The following RCHY1 variants were observed in gnomAD, a reference collection of about 807,000 sequenced individuals.
RCHY1 encodes the protein RING finger and CHY zinc finger domain-containing protein 1.
In RCHY1, 21 loss-of-function variants were observed where a neutral mutation model predicts 41.6. The observed-to-expected ratio is 0.51, with a 90% CI of 0.36 to 0.73. The LOEUF (loss-of-function observed/expected upper bound fraction) is 0.73. Among genes scored for constraint, RCHY1 ranks in the 30% least tolerant of loss-of-function variants. The pLI is 0.00. For missense variants in RCHY1, 265 were observed against 325.3 expected (o/e 0.81, Z 1.43); for synonymous variants, 79 against 102.9 (o/e 0.77, Z 1.41).
At chr4:75,497,704 G>A (rs1296697775) in intron 3 of RCHY1, among the ~76,000 whole-genome samples, 3 of 152,008 alleles carry the variant, frequency 2.0e-5, no homozygotes, top group African/African-American at 7.2e-5. Flanking sequence ...AGCAGGGGAA[G>A]GAGGAGGACC....
intron 3 of RCHY1, among the ~76,000 whole-genome samples, chr4:75,500,292 C>G (rs1452437826): frequency 6.6e-6 from 1 of 152,182 alleles, no homozygotes; most frequent in Non-Finnish European, 1.5e-5. Flanking sequence ...ACCACTTCTG[C>G]TATGCGACTC....
At chr4:75,506,774 A>C (rs1404416523) in intron 3 of RCHY1, among the ~76,000 whole-genome samples, 1 of 152,142 alleles carries the variant, frequency 6.6e-6, no homozygotes, top group Non-Finnish European at 1.5e-5. Context: ...AGAAGACATC[A>C]AGCCACAGAT....
At chr4:75,496,584 G>A (rs994683529) in intron 3 of RCHY1, among the ~76,000 whole-genome samples, 2 of 152,078 alleles carry the variant, frequency 1.3e-5, no homozygotes, top group African/African-American at 4.8e-5. Flanking sequence ...CAAACAGACT[G>A]GGGAAACTCA....
At chr4:75,489,019 G>A (rs536150126) in intron 8 of RCHY1, among the ~76,000 whole-genome samples, 30 of 151,998 alleles carry the variant, frequency 2.0e-4, no homozygotes, top group African/African-American at 6.8e-4. Flanking sequence ...AGGTTGCAGT[G>A]AGCCGAGATT....
At chr4:75,492,676 TA>T (rs1722854659) in intron 4 of RCHY1, among the ~76,000 whole-genome samples, 1 of 151,316 alleles carries the variant, frequency 6.6e-6, no homozygotes, top group African/African-American at 2.4e-5. Context: ...ATATAGACAA[TA>T]AAAGATAACT....
rs1553917563 is a variant in RCHY1, at chr4:75,487,592, A to ATATATTCATAAT, written c.657+2988_657+2989insATTATGAATATA. Among the ~76,000 whole-genome samples the ATATATTCATAAT allele has an allele frequency of 3.6e-3, 199 of 55,480 alleles. 2 individuals are homozygous for ATATATTCATAAT. Among genetic ancestry groups the ATATATTCATAAT allele is most frequent in the African/African-American group, 8.1e-3 (95 of 11,698 alleles). 36.4% of individuals were successfully genotyped at this position (55,480 alleles called of 152,430 possible). On this transcript the variant is annotated intron_variant, in intron 8 of 8. Coordinates refer to ENST00000324439, the MANE Select transcript of RCHY1 (RefSeq NM_015436.4). ...TATATATATTCATATATATATTCATAATATATATTCATATATATTCATAAT... is the reference window on the plus strand; with the variant it reads ...TATATATATTCATATATATATTCATATATATTCATAATATATATATTCATATATATTCATAAT...
At chr4:75,501,405 C>T (rs1035292106) in intron 3 of RCHY1, among the ~76,000 whole-genome samples, 4 of 152,156 alleles carry the variant, frequency 2.6e-5, no homozygotes, top group Non-Finnish European at 4.4e-5. Context: ...ATAGATTTTG[C>T]TTCCAATATC....
chr4:75,495,437 G>C (rs1351188566), intron 3 of RCHY1, among the ~76,000 whole-genome samples: 3 of 151,870 alleles, frequency 2.0e-5, no homozygotes, highest in Non-Finnish European at 4.4e-5. Flanking sequence ...ATTTAGCTAG[G>C]CACTGAGCTA....
chr4:75,496,644 T>G (rs1723236318), intron 3 of RCHY1, among the ~76,000 whole-genome samples: 1 of 152,010 alleles, frequency 6.6e-6, no homozygotes, highest in South Asian at 2.1e-4. Context: ...GCCTCAACAG[T>G]GGAGAATAGC....
chr4:75,497,855 AT>A (rs1217931144), intron 3 of RCHY1, among the ~76,000 whole-genome samples: 1 of 152,032 alleles, frequency 6.6e-6, no homozygotes, highest in African/African-American at 2.4e-5. Context: ...TCATAATCTA[AT>A]TATCAAAACC....
Position 75,479,120 on chromosome 4 carries a change from TAA to T in RCHY1, c.*3416_*3417del, listed in dbSNP as rs775921619. On this transcript the variant is annotated 3_prime_UTR_variant, in exon 9 of 9. Transcript: ENST00000324439. Reference sequence around the variant, plus strand: ...AATGCATTGTACATTTCAAAAATATTAAGAGTAGATTTTAAGTGGTTTTTTTA... The same window carrying T: ...AATGCATTGTACATTTCAAAAATATTGAGTAGATTTTAAGTGGTTTTTTTA... The T allele has an allele frequency of 3.9e-5, 6 of 152,082 alleles. No homozygotes were observed. Among genetic ancestry groups the T allele is most frequent in the Non-Finnish European group, 4.4e-5 (3 of 67,980 alleles). 9.4% of individuals were successfully genotyped at this position (152,082 alleles called of 1,614,324 possible). A position where few individuals can be genotyped will look rare whatever the true frequency, so the allele number is the denominator to read the frequency against.
intron 8 of RCHY1, among the ~76,000 whole-genome samples, chr4:75,487,487 T>TA (rs1211104868): frequency 1.5e-5 from 2 of 133,538 alleles, no homozygotes. Flanking sequence ...TATATAGTCA[T>TA]ATATATTCAT....
At chr4:75,483,044 A>C (rs1342902100) in intron 8 of RCHY1, among the ~76,000 whole-genome samples, 1 of 152,200 alleles carries the variant, frequency 6.6e-6, no homozygotes, top group Non-Finnish European at 1.5e-5. Context: ...TATCTCAATT[A>C]ATAAAACCAA....
At chr4:75,497,898 T>C (rs1723368047) in intron 3 of RCHY1, among the ~76,000 whole-genome samples, 1 of 151,270 alleles carries the variant, frequency 6.6e-6, no homozygotes, top group Non-Finnish European at 1.5e-5. Context: ...TAAAAGCAGC[T>C]ATTTTGAAAG....
At chr4:75,494,008 T>G in intron 4 of RCHY1, 93 bp downstream of exon 4, 1 of 745,730 alleles carries the variant, frequency 1.3e-6, no homozygotes, top group Non-Finnish European at 2.2e-6. Context: ...TGGAAATACA[T>G]GAAAATTAGC....
At position 75,491,591 on chromosome 4, in the gene RCHY1, T is replaced by G; in HGVS notation, c.536+20A>C. The G allele has an allele frequency of 3.8e-6, 6 of 1,594,322 alleles. No homozygotes were observed. Among genetic ancestry groups the G allele is most frequent in the Non-Finnish European group, 5.2e-6 (6 of 1,163,782 alleles). The stretch of plus-strand genomic sequence containing the variant: ...AAAGTCAAACATCTTACAATTATTT[T>G]TAAAATCCCAAACACTCACTCTTTC... On this transcript the variant is annotated intron_variant, in intron 7 of 8. Coordinates refer to ENST00000324439, the MANE Select transcript of RCHY1 (RefSeq NM_015436.4).
chr4:75,491,524 A>G, intron 7 of RCHY1, 87 bp downstream of exon 7: 1 of 1,197,038 alleles, frequency 8.4e-7, no homozygotes, highest in Admixed American at 2.0e-5. Flanking sequence ...AATATAGTAT[A>G]AGTAACAATG....
At chr4:75,498,044 AAC>A (rs150391867) in intron 3 of RCHY1, among the ~76,000 whole-genome samples, 31,661 of 150,686 alleles carry the variant, frequency 0.21, 3,364 homozygotes, top group Middle Eastern at 0.32. Context: ...TGAGACTAAA[AAC>A]ACAATACAAA....
intron 3 of RCHY1, among the ~76,000 whole-genome samples, chr4:75,496,395 C>T (rs1215242296): frequency 1.3e-5 from 2 of 152,012 alleles, no homozygotes; most frequent in African/African-American, 4.8e-5. Context: ...GAAACCAAGA[C>T]AGATTCATAG....
Sources: allele counts gnomAD v4.1 joint callset (sites outside exome capture counted in the v4.1 genomes callset), GRCh38; gene constraint gnomAD v4.1.1; transcripts MANE v1.5; gene names NCBI Gene and HGNC (gene_info 2026-07-23, HGNC 2026-07-21).